Variants in PTPN1 observed in about 807,000 individuals in gnomAD.
PTPN1 encodes the protein protein tyrosine phosphatase non-receptor type 1.
A neutral mutation model predicts 59.9 loss-of-function variants in PTPN1; 12 were observed. The ratio of observed to expected loss-of-function variants is 0.20; its 90% confidence interval spans 0.13 to 0.32. The LOEUF (loss-of-function observed/expected upper bound fraction) is 0.32. Ranked by LOEUF, PTPN1 falls within the 10% of genes least tolerant of loss-of-function variation. The pLI, the probability that PTPN1 is intolerant of heterozygous loss-of-function variation, is 1.00. For missense variants in PTPN1, 356 were observed against 549.2 expected (o/e 0.65, Z 3.52); for synonymous variants, 178 against 203.6 (o/e 0.87, Z 1.07).
intron 1 of PTPN1, among the ~76,000 whole-genome samples, chr20:50,523,768 T>C (rs755650454): frequency 2.0e-5 from 3 of 152,134 alleles, no homozygotes; most frequent in African/African-American, 4.8e-5. Context: ...GCTGTGGGGA[T>C]GCTCAGGAAA....
chr20:50,519,530 G>A (rs1053059982), intron 1 of PTPN1, among the ~76,000 whole-genome samples: 1 of 152,182 alleles, frequency 6.6e-6, no homozygotes, highest in African/African-American at 2.4e-5. Flanking sequence ...GTGGGAGCGT[G>A]GTATGTCCTT....
intron 1 of PTPN1, among the ~76,000 whole-genome samples, chr20:50,551,937 G>A (rs1455843947): frequency 3.3e-5 from 5 of 151,936 alleles, no homozygotes; most frequent in Admixed American, 1.3e-4. Flanking sequence ...TTTTCTCTGT[G>A]GAAATTTTAC....
At chr20:50,566,976 G>A (rs1318549533) in intron 3 of PTPN1, among the ~76,000 whole-genome samples, 1 of 152,122 alleles carries the variant, frequency 6.6e-6, no homozygotes, top group Non-Finnish European at 1.5e-5. Context: ...AGTTAAATGT[G>A]GTCTGCTTTT....
chr20:50,527,610 C>G (rs2082582931), intron 1 of PTPN1, among the ~76,000 whole-genome samples: 1 of 152,174 alleles, frequency 6.6e-6, no homozygotes, highest in Non-Finnish European at 1.5e-5. Context: ...ATCCACCCGT[C>G]AGCCTCCCAA....
intron 2 of PTPN1, among the ~76,000 whole-genome samples, chr20:50,564,065 C>T (rs1323224233): frequency 6.6e-6 from 1 of 150,414 alleles, no homozygotes; most frequent in Non-Finnish European, 1.5e-5. Context: ...TATACTTGAA[C>T]TTTAAAAAAA....
chr20:50,582,695 C>G lies in PTPN1; in HGVS notation c.1288C>G (p.Leu430Val). The change falls in exon 10 of 10, where the codon CTG becomes GTG. Residue 430 changes from leucine (L) to valine (V), a missense_variant. Leu to Val is a conservative substitution (Grantham distance 32). This residue lies in a region of PTPN1 where 62 missense variants were observed against 97.2 expected (regional missense o/e 0.64). Transcript: ENST00000371621. The surrounding 1 kb of genome is among the most constrained non-coding windows in gnomAD (Gnocchi z 4.2). Reference protein sequence around the residue: ...TAGAYLCYRFLFNSNT With the variant: ...TAGAYLCYRFVFNSNT ...GAACTGTTTGGTTTCATTCCAGTTC[C>G]TGTTCAACAGCAACACATAGCCTGA... 6.2e-7 allele frequency: 1 copy of G among 1,613,836 alleles called. No homozygotes were observed. Among genetic ancestry groups the G allele is most frequent in the South Asian group, 1.1e-5 (1 of 90,990 alleles).
chr20:50,554,435 T>TG (rs1230877224), intron 1 of PTPN1, among the ~76,000 whole-genome samples: 7 of 144,642 alleles, frequency 4.8e-5, no homozygotes, highest in African/African-American at 1.8e-4. Flanking sequence ...ACGACTTATT[T>TG]GGGGAAAAAA....
rs769818747 is a variant in PTPN1 at position 50,582,305 on chromosome 20, A to G, written c.1285-387A>G. On this transcript the variant is annotated intron_variant, in intron 9 of 9. Transcript: ENST00000371621. This position sits in a 1 kb window ranked among gnomAD's most constrained non-coding sequence, Gnocchi z 4.2. ...ATGTCAACCCGCTGTTAATTCAGAG[A>G]AGTGGGCTCCACCTCATTGGGAGAA... is the stretch of plus-strand genomic sequence containing the variant. Among the ~76,000 whole-genome samples, 8 of 152,218 alleles carry G rather than the reference A, an allele frequency of 5.3e-5. No individual in the cohort carries two copies. The highest frequency in any genetic ancestry group is 7.3e-5 in the Non-Finnish European group (5 of 68,034).
chr20:50,546,555 T>C (rs1198248137), intron 1 of PTPN1, among the ~76,000 whole-genome samples: 1 of 152,260 alleles, frequency 6.6e-6, no homozygotes, highest in Non-Finnish European at 1.5e-5. Flanking sequence ...ATTTGGTTGA[T>C]AATAATACAT....
At chr20:50,532,710 A>T (rs2082606665) in intron 1 of PTPN1, among the ~76,000 whole-genome samples, 1 of 152,076 alleles carries the variant, frequency 6.6e-6, no homozygotes, top group African/African-American at 2.4e-5. Flanking sequence ...CTCCATGTGG[A>T]TGATGGGGTG....
chr20:50,550,412 C>T (rs1288253306), intron 1 of PTPN1, among the ~76,000 whole-genome samples: 1 of 152,194 alleles, frequency 6.6e-6, no homozygotes, highest in Non-Finnish European at 1.5e-5. Context: ...ACAGAGATCA[C>T]TTTCAAAAAT....
chr20:50,530,342 T>C (rs1268837500), intron 1 of PTPN1, among the ~76,000 whole-genome samples: 1 of 152,128 alleles, frequency 6.6e-6, no homozygotes, highest in Admixed American at 6.5e-5. Context: ...AGATTGCTTT[T>C]TTAAAAAATG....
At chr20:50,515,667 C>T (rs969376099) in intron 1 of PTPN1, among the ~76,000 whole-genome samples, 1 of 152,194 alleles carries the variant, frequency 6.6e-6, no homozygotes, top group East Asian at 1.9e-4. Flanking sequence ...GTATCTTTCT[C>T]ATTCATCTTG....
At chr20:50,536,382 T>C (rs2082624229) in intron 1 of PTPN1, among the ~76,000 whole-genome samples, 1 of 152,222 alleles carries the variant, frequency 6.6e-6, no homozygotes, top group East Asian at 1.9e-4. Context: ...TTTATAATTA[T>C]AAGAGGAAGA....
At chr20:50,519,458 G>A (rs1262160959) in intron 1 of PTPN1, among the ~76,000 whole-genome samples, 1 of 152,226 alleles carries the variant, frequency 6.6e-6, no homozygotes, top group Admixed American at 6.5e-5. Context: ...AGATTTGGAA[G>A]ATGTTGCTTT....
chr20:50,532,888 A>C (rs980511269), intron 1 of PTPN1, among the ~76,000 whole-genome samples: 2 of 152,150 alleles, frequency 1.3e-5, no homozygotes, highest in African/African-American at 4.8e-5. Context: ...GCCCTGAGAA[A>C]TAGGATTAGG....
intron 4 of PTPN1, chr20:50,574,262 C>T (rs144085614): frequency 2.0e-5 from 9 of 446,656 alleles, no homozygotes; most frequent in African/African-American, 1.0e-4. Context: ...TGCAGGATCC[C>T]GTTGCCACGT....
At chr20:50,581,181 C>G (rs2082866535) in intron 8 of PTPN1, 84 bp from the exon 9 acceptor site, 5 of 1,498,590 alleles carry the variant, frequency 3.3e-6, no homozygotes, top group Middle Eastern at 3.6e-4. Context: ...TTGTTTTTTC[C>G]TAGAATTCCT....
intron 1 of PTPN1, among the ~76,000 whole-genome samples, chr20:50,553,725 G>T (rs770822431): frequency 6.6e-6 from 1 of 152,056 alleles, no homozygotes; most frequent in Non-Finnish European, 1.5e-5. Flanking sequence ...AGCAGATAAG[G>T]ACATTAAAAC....
Sources: gnomAD v4.1 joint callset for allele counts (sites outside exome capture counted in the v4.1 genomes callset) on GRCh38, gnomAD v4.1.1 for gene constraint, gnomAD v4.1.1 regional missense constraint, Gnocchi (gnomAD v3.1) non-coding constraint, MANE v1.5 for transcripts, NCBI Gene and HGNC (gene_info 2026-07-23, HGNC 2026-07-21) for gene names.